The following ADK variants were observed in gnomAD, a reference collection of about 807,000 sequenced individuals.
ADK encodes N6,N6-dimethyladenosine kinase.
A neutral mutation model predicts 44.7 loss-of-function variants in ADK; 24 were observed. The ratio of observed to expected loss-of-function variants is 0.54; its 90% confidence interval spans 0.39 to 0.76. The LOEUF (loss-of-function observed/expected upper bound fraction) is 0.76, where lower values mean the gene tolerates loss of function less well. Among genes scored for constraint, ADK ranks in the 30% least tolerant of loss-of-function variants. The pLI is 0.00. For synonymous variants in ADK, 128 were observed against 142.6 expected (o/e 0.90, Z 0.73); for missense variants, 321 against 425.1 (o/e 0.76, Z 2.15).
At chr10:74,613,826 A>G (rs1852644406) in intron 9 of ADK, among the ~76,000 whole-genome samples, 1 of 152,172 alleles carries the variant, frequency 6.6e-6, no homozygotes, top group Admixed American at 6.6e-5. Flanking sequence ...ATATTAATAT[A>G]AATCATTTTG....
chr10:74,557,436 G>A (rs543757632), intron 7 of ADK, among the ~76,000 whole-genome samples: 2 of 152,240 alleles, frequency 1.3e-5, no homozygotes, highest in African/African-American at 4.8e-5. Context: ...TAATCTTATG[G>A]TTGAATGTTA....
intron 3 of ADK, among the ~76,000 whole-genome samples, chr10:74,283,762 G>C (rs1847044274): frequency 7.0e-6 from 1 of 142,884 alleles, no homozygotes. Flanking sequence ...CTCACTGCAA[G>C]ATCCGCCTCC....
At chr10:74,292,613 T>C (rs556231368) in intron 3 of ADK, among the ~76,000 whole-genome samples, 4 of 152,350 alleles carry the variant, frequency 2.6e-5, no homozygotes, top group African/African-American at 7.2e-5. Flanking sequence ...TCTATTTCAC[T>C]TGATGGCAGT....
At chr10:74,170,481 G>A (rs910619928) in intron 1 of ADK, among the ~76,000 whole-genome samples, 1 of 152,132 alleles carries the variant, frequency 6.6e-6, no homozygotes, top group African/African-American at 2.4e-5. Flanking sequence ...GCAGGAGTAA[G>A]TTTTGTATTT....
intron 6 of ADK, among the ~76,000 whole-genome samples, chr10:74,405,305 A>C (rs1406604655): frequency 6.6e-6 from 1 of 151,798 alleles, no homozygotes; most frequent in African/African-American, 2.4e-5. Context: ...GCAGGAGGTG[A>C]GTAGCAGGCC....
At chr10:74,252,694 G>C (rs1845692355) in intron 3 of ADK, among the ~76,000 whole-genome samples, 1 of 152,188 alleles carries the variant, frequency 6.6e-6, no homozygotes, top group Non-Finnish European at 1.5e-5. Flanking sequence ...GATTAGGTTA[G>C]GAAATAGAAA....
At chr10:74,647,528 A>G (rs902345529) in intron 9 of ADK, among the ~76,000 whole-genome samples, 2 of 152,172 alleles carry the variant, frequency 1.3e-5, no homozygotes, top group African/African-American at 4.8e-5. Context: ...ATACATACAT[A>G]TAAGTGTATA....
At chr10:74,519,309 A>C (rs1848716446) in intron 6 of ADK, among the ~76,000 whole-genome samples, 1 of 152,028 alleles carries the variant, frequency 6.6e-6, no homozygotes, top group Non-Finnish European at 1.5e-5. Flanking sequence ...CAATTTTTAC[A>C]TTTAAATTAA....
intron 7 of ADK, among the ~76,000 whole-genome samples, chr10:74,560,189 G>A (rs1850405278): frequency 6.6e-6 from 1 of 152,172 alleles, no homozygotes; most frequent in African/African-American, 2.4e-5. Flanking sequence ...AAAGTTCTGG[G>A]ATTGCAGGCA....
At chr10:74,475,683 G>A (rs949576667) in intron 6 of ADK, among the ~76,000 whole-genome samples, 3 of 151,970 alleles carry the variant, frequency 2.0e-5, no homozygotes, top group African/African-American at 7.3e-5. Context: ...TCCAGCCTAG[G>A]TGACAGAGCA....
chr10:74,677,029 G>C (rs1855416347), intron 10 of ADK, among the ~76,000 whole-genome samples: 1 of 152,138 alleles, frequency 6.6e-6, no homozygotes, highest in Non-Finnish European at 1.5e-5. Context: ...TGGACAGCTT[G>C]AGCTCGGCAG....
At chr10:74,456,232 A>G (rs1445659235) in intron 6 of ADK, among the ~76,000 whole-genome samples, 1 of 152,186 alleles carries the variant, frequency 6.6e-6, no homozygotes, top group Non-Finnish European at 1.5e-5. Context: ...TCAACAGAAT[A>G]TACATTCTTC....
intron 7 of ADK, among the ~76,000 whole-genome samples, chr10:74,569,434 A>G (rs1489074858): frequency 6.6e-6 from 1 of 152,208 alleles, no homozygotes; most frequent in Non-Finnish European, 1.5e-5. Context: ...CCTCTCCAGC[A>G]CCTGCTGTTT....
At chr10:74,449,922 ACTTAAAAGCTAT>A (rs1171441238) in intron 6 of ADK, among the ~76,000 whole-genome samples, 1 of 152,228 alleles carries the variant, frequency 6.6e-6, no homozygotes, top group Non-Finnish European at 1.5e-5. Flanking sequence ...CAAAAACGTA[ACTTAAAAGCTAT>A]CTGTATTGAA....
At chr10:74,446,715 T>C (rs1442272187) in intron 6 of ADK, among the ~76,000 whole-genome samples, 1 of 152,164 alleles carries the variant, frequency 6.6e-6, no homozygotes. Context: ...TCATTTCTTA[T>C]TGGTTTTAGA....
intron 2 of ADK, among the ~76,000 whole-genome samples, chr10:74,204,801 T>C (rs1843527967): frequency 6.6e-6 from 1 of 152,060 alleles, no homozygotes; most frequent in East Asian, 1.9e-4. Flanking sequence ...TCCAGCACTT[T>C]TGGAGGCTGA....
chr10:74,438,328 A>G (rs1420698274), intron 6 of ADK, among the ~76,000 whole-genome samples: 1 of 150,814 alleles, frequency 6.6e-6, no homozygotes, highest in African/African-American at 2.4e-5. Context: ...GAGTTCAAGC[A>G]ATTCTCCTGC....
At chr10:74,330,528 G>A (rs879704295) in intron 4 of ADK, among the ~76,000 whole-genome samples, 5 of 152,108 alleles carry the variant, frequency 3.3e-5, no homozygotes, top group Non-Finnish European at 4.4e-5. Flanking sequence ...CAGACTTAGC[G>A]ACTTGTTTCT....
chr10:74,550,862 A>G (rs925364588), intron 7 of ADK, among the ~76,000 whole-genome samples: 1 of 152,130 alleles, frequency 6.6e-6, no homozygotes, highest in Non-Finnish European at 1.5e-5. Flanking sequence ...TAATTGAGTT[A>G]CTTTTTAGAG....
Sources: gnomAD v4.1 joint callset for allele counts (sites outside exome capture counted in the v4.1 genomes callset) on GRCh38, gnomAD v4.1.1 for gene constraint, MANE v1.5 for transcripts, NCBI Gene and HGNC (gene_info 2026-07-23, HGNC 2026-07-21) for gene names.